Variants in IARS1 observed in about 807,000 individuals in gnomAD.
IARS1 encodes isoleucine--tRNA ligase, cytoplasmic.
A neutral mutation model predicts 168.2 loss-of-function variants in IARS1; 124 were observed. The observed-to-expected ratio is 0.74, with a 90% CI of 0.64 to 0.86. The LOEUF is 0.86. IARS1 is among the 40% of genes least tolerant of loss of function. IARS1 has a pLI of 0.00. For synonymous variants in IARS1, 532 were observed against 529.4 expected, an observed-to-expected ratio of 1.00 and a Z score of -0.07; for missense variants, 1,452 against 1,515.8, an observed-to-expected ratio of 0.96 and a Z score of 0.70.
At chr9:92,251,253 C>G in intron 22 of IARS1, 1 of 437,972 alleles carries the variant, frequency 2.3e-6, no homozygotes, top group Non-Finnish European at 4.6e-6. Flanking sequence ...GCAGATTTTC[C>G]TTCGGTTAAG....
intron 31 of IARS1, among the ~76,000 whole-genome samples, chr9:92,225,916 C>T (rs1349422910): frequency 2.6e-5 from 4 of 152,236 alleles, no homozygotes; most frequent in African/African-American, 9.7e-5. Context: ...CACGCTCCTG[C>T]CTCTGCTCTT....
intron 30 of IARS1, among the ~76,000 whole-genome samples, chr9:92,237,224 A>AT (rs1348869603): frequency 1.3e-5 from 2 of 152,096 alleles, no homozygotes; most frequent in Non-Finnish European, 2.9e-5. Flanking sequence ...CACATTCCAC[A>AT]TATTTTGATG....
chr9:92,221,719 A>G lies in IARS1; in HGVS notation c.3706+801T>C, dbSNP rs113101003. On this transcript the variant is annotated intron_variant, in intron 33 of 33. Transcript: ENST00000443024. ...GTGCAGGTCGCCATCCTTAATTTCT[A>G]TTTTCTAGATAATAGAATGTGGAAT... Among the ~76,000 whole-genome samples the G allele has an allele frequency of 3.9e-5, 6 of 152,238 alleles. 1 individual carries two copies. Among genetic ancestry groups the G allele is most frequent in the African/African-American group, 1.4e-4 (6 of 41,556 alleles).
intron 26 of IARS1, 93 bp from the exon 27 acceptor site, chr9:92,245,164 C>A (rs1457096862): frequency 4.0e-6 from 4 of 996,876 alleles, no homozygotes; most frequent in Non-Finnish European, 6.4e-6. Flanking sequence ...ATTAAAATTT[C>A]ACAATAACAA....
chr9:92,264,073 G>A (rs746285020), intron 16 of IARS1, among the ~76,000 whole-genome samples: 1 of 152,122 alleles, frequency 6.6e-6, no homozygotes, highest in Non-Finnish European at 1.5e-5. Flanking sequence ...AATGGCTCAC[G>A]CCTGTAATCC....
chr9:92,260,685 T>C (rs1043182673), intron 17 of IARS1, among the ~76,000 whole-genome samples: 2 of 152,072 alleles, frequency 1.3e-5, no homozygotes, highest in African/African-American at 4.8e-5. Flanking sequence ...TAAGGTACAA[T>C]GGTAAGATAT....
intron 19 of IARS1, among the ~76,000 whole-genome samples, chr9:92,258,186 C>G (rs1830999131): frequency 6.6e-6 from 1 of 152,212 alleles, no homozygotes; most frequent in Admixed American, 6.5e-5. Flanking sequence ...TCCGCCTTCA[C>G]TGGGTGCTCT....
At chr9:92,290,403 G>A (rs1267929515) in intron 1 of IARS1, among the ~76,000 whole-genome samples, 1 of 152,106 alleles carries the variant, frequency 6.6e-6, no homozygotes, top group Non-Finnish European at 1.5e-5. Flanking sequence ...TCTTTTTGTG[G>A]TTGGGTTTTA....
At chr9:92,240,571 T>C in intron 30 of IARS1, 1 of 646,732 alleles carries the variant, frequency 1.5e-6, no homozygotes, top group Non-Finnish European at 2.8e-6. Context: ...TTTTTTTTTT[T>C]TTAATTGAGG....
At chr9:92,282,426 T>C (rs1296435303) in intron 6 of IARS1, among the ~76,000 whole-genome samples, 1 of 152,070 alleles carries the variant, frequency 6.6e-6, no homozygotes, top group African/African-American at 2.4e-5. Context: ...CTCGGTTTCC[T>C]GAATAGCTGG....
intron 19 of IARS1, among the ~76,000 whole-genome samples, chr9:92,257,020 G>T (rs1333689599): frequency 3.9e-5 from 6 of 152,212 alleles, no homozygotes; most frequent in African/African-American, 1.4e-4. Context: ...ACTGAAGAGA[G>T]TTTAGGAAAA....
At chr9:92,224,561 G>C (rs1485838502) in intron 31 of IARS1, among the ~76,000 whole-genome samples, 1 of 152,202 alleles carries the variant, frequency 6.6e-6, no homozygotes, top group Non-Finnish European at 1.5e-5. Context: ...GGTGAGGCTG[G>C]GCACAGTGGC....
intron 33 of IARS1, among the ~76,000 whole-genome samples, chr9:92,215,643 G>A (rs1042184908): frequency 7.9e-5 from 12 of 152,068 alleles, no homozygotes; most frequent in African/African-American, 2.2e-4. Context: ...CTCAGGAGCC[G>A]ATGCGATCAA....
chr9:92,267,628 C>T (rs1391934514), intron 14 of IARS1, among the ~76,000 whole-genome samples: 5 of 152,096 alleles, frequency 3.3e-5, no homozygotes, highest in African/African-American at 9.7e-5. Flanking sequence ...CTAAGTGCTG[C>T]GATTACATGT....
At chr9:92,239,541 T>A (rs1003296725) in intron 30 of IARS1, among the ~76,000 whole-genome samples, 2 of 143,132 alleles carry the variant, frequency 1.4e-5, no homozygotes, top group African/African-American at 4.9e-5. Flanking sequence ...TTATCCTGTT[T>A]GGGTTTCACG....
chr9:92,217,225 T>C lies in IARS1; in HGVS notation c.3706+5295A>G, dbSNP rs1243580850. ...AAATAAAGATGTTCTTTGAAACCAATGAGAACAAAGACACAACATACCAGA... is the reference window on the plus strand; with the variant it reads ...AAATAAAGATGTTCTTTGAAACCAACGAGAACAAAGACACAACATACCAGA... On this transcript the variant is annotated intron_variant, in intron 33 of 33. Transcript: ENST00000443024. Among the ~76,000 whole-genome samples, 5 of 151,192 alleles carry C rather than the reference T, an allele frequency of 3.3e-5. No individual in the cohort carries two copies. In the South Asian group the frequency reaches 1.0e-3, roughly 32 times the overall value.
chr9:92,222,500 A>T lies in IARS1; in HGVS notation c.3706+20T>A. 6.2e-7 allele frequency: 1 copy of T among 1,604,360 alleles called. No individual in the cohort carries two copies. The highest frequency in any genetic ancestry group is 8.5e-7 in the Non-Finnish European group (1 of 1,176,344). On this transcript the variant is annotated intron_variant, in intron 33 of 33. Coordinates refer to ENST00000443024, the MANE Select transcript of IARS1 (RefSeq NM_002161.6). ...TACTTTCAACAAAAATAAAAAACTT[A>T]CGGTCCACAATCTCCTTACCCTGCG... is the stretch of plus-strand genomic sequence containing the variant.
chr9:92,225,262 A>G (rs1825485681), intron 31 of IARS1, among the ~76,000 whole-genome samples: 1 of 152,208 alleles, frequency 6.6e-6, no homozygotes, highest in Non-Finnish European at 1.5e-5. Flanking sequence ...CTTATTTACC[A>G]ACACAGCATT....
chr9:92,268,912 T>C (rs1332549886), intron 13 of IARS1, among the ~76,000 whole-genome samples: 2 of 152,186 alleles, frequency 1.3e-5, no homozygotes, highest in African/African-American at 2.4e-5. Context: ...TCTTTATTCC[T>C]TGAGGTTCAG....
Sources: gnomAD v4.1 joint callset for allele counts (sites outside exome capture counted in the v4.1 genomes callset) on GRCh38, gnomAD v4.1.1 for gene constraint, MANE v1.5 for transcripts, NCBI Gene and HGNC (gene_info 2026-07-23, HGNC 2026-07-21) for gene names.